Variants in FOXP2 observed in about 807,000 individuals in gnomAD.
FOXP2 encodes the protein forkhead box protein P2.
A neutral mutation model predicts 115.8 loss-of-function variants in FOXP2; 12 were observed. That is an observed-to-expected ratio of 0.10 (90% CI 0.07 to 0.17). The LOEUF (loss-of-function observed/expected upper bound fraction) is 0.17. Among genes scored for constraint, FOXP2 ranks in the 10% least tolerant of loss-of-function variants. The pLI is 1.00. For synonymous variants in FOXP2, 328 were observed against 297.7 expected, an observed-to-expected ratio of 1.10 and a Z score of -1.05; for missense variants, 629 against 843.5, an observed-to-expected ratio of 0.75 and a Z score of 3.15.
At chr7:114,264,098 T>C (rs796924069) in intron 1 of FOXP2, among the ~76,000 whole-genome samples, 68 of 152,216 alleles carry the variant, frequency 4.5e-4, no homozygotes, top group African/African-American at 1.5e-3. Flanking sequence ...TCAAGGTGGC[T>C]GTGAGGTCAA....
At chr7:114,487,602 G>A (rs767390318) in intron 2 of FOXP2, among the ~76,000 whole-genome samples, 4 of 152,032 alleles carry the variant, frequency 2.6e-5, no homozygotes, top group Non-Finnish European at 5.9e-5. Flanking sequence ...TTTATGCTCT[G>A]CTTCCTCTTG....
intron 3 of FOXP2, among the ~76,000 whole-genome samples, chr7:114,625,205 C>T (rs982231684): frequency 3.3e-5 from 5 of 151,680 alleles, no homozygotes; most frequent in Non-Finnish European, 5.9e-5. Flanking sequence ...TATTTCCTTC[C>T]TTCACACTTG....
intron 2 of FOXP2, among the ~76,000 whole-genome samples, chr7:114,405,249 G>A (rs1369045339): frequency 1.3e-5 from 2 of 151,698 alleles, no homozygotes; most frequent in Non-Finnish European, 3.0e-5. Context: ...AGATAATTTG[G>A]TATCAACGTC....
intron 2 of FOXP2, among the ~76,000 whole-genome samples, chr7:114,404,751 A>C (rs1322807919): frequency 6.6e-6 from 1 of 152,062 alleles, no homozygotes; most frequent in African/African-American, 2.4e-5. Flanking sequence ...TTTCAAGAAA[A>C]GGCATAGGAG....
chr7:114,304,394 G>A (rs1328772166), intron 2 of FOXP2, among the ~76,000 whole-genome samples: 1 of 151,696 alleles, frequency 6.6e-6, no homozygotes, highest in African/African-American at 2.4e-5. Flanking sequence ...AATAGATGCT[G>A]GGCATGGTGA....
intron 1 of FOXP2, among the ~76,000 whole-genome samples, chr7:114,129,752 C>T (rs1322127725): frequency 6.6e-6 from 1 of 152,142 alleles, no homozygotes; most frequent in African/African-American, 2.4e-5. Context: ...TGTGTGATTG[C>T]TTTATATACC....
intron 1 of FOXP2, among the ~76,000 whole-genome samples, chr7:114,262,533 AT>A (rs201715360): frequency 6.6e-6 from 1 of 152,144 alleles, no homozygotes; most frequent in Non-Finnish European, 1.5e-5. Flanking sequence ...AAAATAAGAG[AT>A]TTTTTTTAAA....
chr7:114,371,662 T>C (rs1189306986), intron 2 of FOXP2, among the ~76,000 whole-genome samples: 3 of 152,126 alleles, frequency 2.0e-5, no homozygotes, highest in Admixed American at 2.0e-4. Context: ...AAAATTATAA[T>C]ATGTTTAGTG....
intron 16 of FOXP2, chr7:114,667,627 T>G (rs1807239572): frequency 6.6e-6 from 1 of 152,080 alleles, no homozygotes; most frequent in African/African-American, 2.4e-5. Context: ...GAAAGGAATT[T>G]AGAATACATA....
At chr7:114,258,781 T>C (rs1196709288) in intron 1 of FOXP2, among the ~76,000 whole-genome samples, 1 of 152,184 alleles carries the variant, frequency 6.6e-6, no homozygotes, top group Admixed American at 6.5e-5. Context: ...CATTAAGTAG[T>C]AGACAAGATG....
intron 2 of FOXP2, among the ~76,000 whole-genome samples, chr7:114,310,297 G>A (rs776161170): frequency 2.0e-5 from 3 of 152,166 alleles, no homozygotes; most frequent in Non-Finnish European, 2.9e-5. Context: ...GCTGCCACTT[G>A]TTCATATAAA....
chr7:114,531,637 C>A (rs1023789728), intron 2 of FOXP2, among the ~76,000 whole-genome samples: 2 of 151,898 alleles, frequency 1.3e-5, no homozygotes, highest in Non-Finnish European at 2.9e-5. Flanking sequence ...GCAGTCTCTA[C>A]TCTACCAAAA....
intron 2 of FOXP2, among the ~76,000 whole-genome samples, chr7:114,481,321 A>G (rs1426199177): frequency 6.6e-6 from 1 of 151,302 alleles, no homozygotes; most frequent in Non-Finnish European, 1.5e-5. Context: ...TAATTTGGTT[A>G]TATTTTAATT....
chr7:114,231,516 G>A (rs539124588), intron 1 of FOXP2, among the ~76,000 whole-genome samples: 2 of 152,208 alleles, frequency 1.3e-5, no homozygotes, highest in African/African-American at 4.8e-5. Flanking sequence ...TGGTACTGGC[G>A]TGAAGACATA....
intron 2 of FOXP2, among the ~76,000 whole-genome samples, chr7:114,358,679 A>G (rs1791672826): frequency 6.6e-6 from 1 of 152,150 alleles, no homozygotes; most frequent in Non-Finnish European, 1.5e-5. Flanking sequence ...AAGAGACTGG[A>G]GGCATTTTGC....
intron 1 of FOXP2, among the ~76,000 whole-genome samples, chr7:114,177,945 T>A (rs781662741): frequency 6.6e-6 from 1 of 151,932 alleles, no homozygotes; most frequent in Non-Finnish European, 1.5e-5. Context: ...TTAACCAACA[T>A]CTCCCCAATT....
At chr7:114,404,097 G>A (rs1792959545) in intron 2 of FOXP2, among the ~76,000 whole-genome samples, 1 of 152,096 alleles carries the variant, frequency 6.6e-6, no homozygotes, top group Non-Finnish European at 1.5e-5. Context: ...CATTAAATGG[G>A]TAAACAGCAC....
chr7:114,160,125 G>A (rs1204247846), upstream of FOXP2, among the ~76,000 whole-genome samples: 11 of 152,124 alleles, frequency 7.2e-5, no homozygotes, highest in Non-Finnish European at 1.6e-4. Flanking sequence ...TTATGGCACA[G>A]AAAGGTGAGG....
At chr7:114,140,638 C>G (rs376773186) in intron 1 of FOXP2, among the ~76,000 whole-genome samples, 9 of 152,216 alleles carry the variant, frequency 5.9e-5, no homozygotes, top group Admixed American at 1.3e-4. Flanking sequence ...TAGGCTGTTA[C>G]AGTTAACATT....
Sources: allele counts gnomAD v4.1 joint callset (sites outside exome capture counted in the v4.1 genomes callset), GRCh38; gene constraint gnomAD v4.1.1; transcripts MANE v1.5; gene names NCBI Gene and HGNC (gene_info 2026-07-23, HGNC 2026-07-21).